SMARCA2: variants seen among roughly 807,000 people sequenced by gnomAD.
SMARCA2 encodes SWI/SNF related BAF chromatin remodeling complex subunit ATPase 2.
Under a neutral mutation model 199.8 loss-of-function variants are expected in SMARCA2, and 61 were observed. The ratio of observed to expected loss-of-function variants is 0.31; its 90% CI spans 0.25 to 0.38. The LOEUF (loss-of-function observed/expected upper bound fraction) is 0.38. SMARCA2 is among the 10% of genes least tolerant of loss of function. The probability of loss-of-function intolerance (pLI) is 1.00; values close to 1 mark genes in which losing one functional copy is unlikely to be tolerated. For synonymous variants in SMARCA2, 935 were observed against 732.0 expected (o/e 1.28, Z -4.48); for missense variants, 1,344 against 2,012.2 (o/e 0.67, Z 6.35).
At chr9:2,073,838 C>G (rs1208222750) in intron 12 of SMARCA2, among the ~76,000 whole-genome samples, 1 of 152,118 alleles carries the variant, frequency 6.6e-6, no homozygotes, top group East Asian at 1.9e-4. Flanking sequence ...AATGGGGAAA[C>G]CTGGCACATT....
chr9:2,096,553 G>A, intron 19 of SMARCA2, 104 bp from the exon 20 acceptor site: 1 of 730,808 alleles, frequency 1.4e-6, no homozygotes, highest in South Asian at 1.6e-5. Context: ...AAGAGAAAGA[G>A]AGACACCTTT....
At chr9:2,140,888 T>C (rs538708107) in intron 27 of SMARCA2, among the ~76,000 whole-genome samples, 2 of 152,250 alleles carry the variant, frequency 1.3e-5, no homozygotes, top group South Asian at 2.1e-4. Flanking sequence ...CTTGCTGTAC[T>C]GGGCACTTGG....
chr9:2,127,478 G>T (rs1823747533), intron 27 of SMARCA2, among the ~76,000 whole-genome samples: 1 of 152,164 alleles, frequency 6.6e-6, no homozygotes, highest in African/African-American at 2.4e-5. Context: ...TACCTGATTG[G>T]TGAGGACAGC....
At chr9:2,159,778 C>G in intron 27 of SMARCA2, 1 of 1,585,832 alleles carries the variant, frequency 6.3e-7, no homozygotes, top group Non-Finnish European at 8.6e-7. Flanking sequence ...TATGAAAACA[C>G]AGCCTTTCCC....
intron 32 of SMARCA2, among the ~76,000 whole-genome samples, chr9:2,188,123 A>G (rs1444752399): frequency 1.3e-5 from 2 of 152,154 alleles, no homozygotes; most frequent in African/African-American, 2.4e-5. Flanking sequence ...AAATGTAATG[A>G]TTTTTGTACT....
At chr9:2,019,768 AAG>A (rs1461695336) in intron 1 of SMARCA2, among the ~76,000 whole-genome samples, 1 of 151,970 alleles carries the variant, frequency 6.6e-6, no homozygotes, top group African/African-American at 2.4e-5. Flanking sequence ...GCATAAAAAG[AAG>A]AGTTTTATAA....
chr9:2,190,423 A>G (rs569227615), intron 32 of SMARCA2, among the ~76,000 whole-genome samples: 1 of 152,370 alleles, frequency 6.6e-6, no homozygotes, highest in African/African-American at 2.4e-5. Flanking sequence ...GAAAATTTTC[A>G]GGTATTTAAA....
At chr9:2,118,434 C>A (rs1481206873) in intron 25 of SMARCA2, among the ~76,000 whole-genome samples, 1 of 152,144 alleles carries the variant, frequency 6.6e-6, no homozygotes, top group Non-Finnish European at 1.5e-5. Context: ...ACAGTCATCT[C>A]ATTTGAGCCG....
chr9:2,070,722 C>A (rs1325000224), intron 10 of SMARCA2, among the ~76,000 whole-genome samples: 2 of 152,122 alleles, frequency 1.3e-5, no homozygotes, highest in Admixed American at 6.5e-5. Context: ...ATTTTCTGTG[C>A]ACATATAATC....
chr9:2,076,687 C>T (rs146004983), intron 13 of SMARCA2, among the ~76,000 whole-genome samples: 12 of 152,224 alleles, frequency 7.9e-5, no homozygotes, highest in East Asian at 5.8e-4. Context: ...CTGGCTGCTT[C>T]GCTGCCTTTC....
At chr9:2,166,267 A>G (rs1228694092) in intron 28 of SMARCA2, among the ~76,000 whole-genome samples, 1 of 152,150 alleles carries the variant, frequency 6.6e-6, no homozygotes. Flanking sequence ...CAGAACTCCA[A>G]TGGGGTATTC....
At chr9:2,111,039 A>ATT (rs1448324265) in intron 24 of SMARCA2, among the ~76,000 whole-genome samples, 5 of 134,668 alleles carry the variant, frequency 3.7e-5, no homozygotes, top group African/African-American at 9.0e-5. Context: ...CAGTACTTTG[A>ATT]TGTTTTGTTT....
intron 9 of SMARCA2, 26 bp from the exon 10 acceptor site, chr9:2,070,392 T>C (rs370216486): frequency 1.4e-5 from 23 of 1,609,066 alleles, no homozygotes; most frequent in African/African-American, 1.3e-4. Flanking sequence ...TGGTTACTTA[T>C]AACATTCGAC....
intron 4 of SMARCA2, chr9:2,044,672 C>T (rs1819758462): frequency 6.6e-6 from 1 of 152,192 alleles, no homozygotes; most frequent in African/African-American, 2.4e-5. Flanking sequence ...GGTTGAGTAA[C>T]TTGCTCAGGC....
chr9:2,036,532 C>G (rs1006957578), intron 3 of SMARCA2, among the ~76,000 whole-genome samples: 7 of 152,104 alleles, frequency 4.6e-5, no homozygotes, highest in Non-Finnish European at 1.0e-4. Context: ...TTCTGTTTTT[C>G]CTCAAGTTTT....
intron 5 of SMARCA2, among the ~76,000 whole-genome samples, chr9:2,050,896 C>G (rs937612777): frequency 1.4e-4 from 21 of 152,172 alleles, no homozygotes; most frequent in African/African-American, 4.8e-4. Flanking sequence ...AACAGTAACC[C>G]CTCGTGATTT....
At chr9:2,146,569 A>G (rs1044007789) in intron 27 of SMARCA2, among the ~76,000 whole-genome samples, 3 of 152,228 alleles carry the variant, frequency 2.0e-5, no homozygotes, top group African/African-American at 7.2e-5. Context: ...TTGCACAAGA[A>G]AGAATTTGAG....
intron 27 of SMARCA2, chr9:2,159,105 A>G (rs1360591852): frequency 1.6e-5 from 18 of 1,149,186 alleles, no homozygotes; most frequent in Non-Finnish European, 2.2e-5. Flanking sequence ...TTCGCTTCTT[A>G]GCTACTCACA....
chr9:2,181,726 T>C, intron 30 of SMARCA2, 50 bp downstream of exon 30: 1 of 978,906 alleles, frequency 1.0e-6, no homozygotes, highest in Non-Finnish European at 1.6e-6. Context: ...AAAGGAGCAG[T>C]GTAAAGTCAT....
Sources: allele counts gnomAD v4.1 joint callset (sites outside exome capture counted in the v4.1 genomes callset), GRCh38; gene constraint gnomAD v4.1.1; transcripts MANE v1.5; gene names NCBI Gene and HGNC (gene_info 2026-07-23, HGNC 2026-07-21).